Variants in JAZF1 observed in about 807,000 individuals in gnomAD.
The protein encoded by JAZF1 is juxtaposed with another zinc finger protein 1.
JAZF1 carries 8 observed loss-of-function variants against 26.4 expected under a neutral mutation model. The observed-to-expected ratio is 0.30, with a 90% CI of 0.18 to 0.55. The LOEUF (loss-of-function observed/expected upper bound fraction) is 0.55. JAZF1 is among the 20% of genes least tolerant of loss of function. The pLI is 0.94. For missense variants in JAZF1, 199 were observed against 322.0 expected (o/e 0.62, Z 2.92); for synonymous variants, 126 against 122.3 (o/e 1.03, Z -0.20).
intron 1 of JAZF1, among the ~76,000 whole-genome samples, chr7:28,170,365 G>A (rs199834399): frequency 4.1e-5 from 6 of 145,060 alleles, no homozygotes; most frequent in East Asian, 3.4e-4. Context: ...GTGTGTGTGT[G>A]TGTGTGTGTG....
intron 1 of JAZF1, among the ~76,000 whole-genome samples, chr7:28,032,957 C>T (rs978833281): frequency 7.9e-5 from 12 of 152,308 alleles, no homozygotes; most frequent in Middle Eastern, 3.4e-3. Flanking sequence ...GCGAAAGCAA[C>T]CCAACACAAA....
chr7:28,103,250 C>A (rs769481354), intron 1 of JAZF1, among the ~76,000 whole-genome samples: 1 of 152,110 alleles, frequency 6.6e-6, no homozygotes, highest in Non-Finnish European at 1.5e-5. Context: ...GTCCTGACCT[C>A]TCTCCTGAAC....
chr7:28,080,716 C>T (rs1784121928), intron 1 of JAZF1, among the ~76,000 whole-genome samples: 1 of 152,154 alleles, frequency 6.6e-6, no homozygotes, highest in South Asian at 2.1e-4. Context: ...GCAGTCAACA[C>T]ATAAAACATT....
chr7:27,992,005 T>A, intron 1 of JAZF1, 24 bp from the exon 2 acceptor site: 2 of 1,422,410 alleles, frequency 1.4e-6, no homozygotes, highest in Non-Finnish European at 2.0e-6. Context: ...ACAATTACGA[T>A]TTTTTTTAGA....
chr7:28,116,642 C>A (rs1746024390), intron 1 of JAZF1, among the ~76,000 whole-genome samples: 1 of 152,140 alleles, frequency 6.6e-6, no homozygotes, highest in East Asian at 1.9e-4. Flanking sequence ...CGGGGTTTCA[C>A]CATGTTGGCC....
intron 2 of JAZF1, among the ~76,000 whole-genome samples, chr7:27,977,277 C>T (rs970683393): frequency 6.6e-6 from 1 of 152,150 alleles, no homozygotes; most frequent in Admixed American, 6.5e-5. Context: ...TCATGTTGAA[C>T]TTGTATAGGT....
chr7:28,074,081 T>C (rs1784017433), intron 1 of JAZF1, among the ~76,000 whole-genome samples: 1 of 152,204 alleles, frequency 6.6e-6, no homozygotes. Flanking sequence ...ACAGGGTCAT[T>C]GCAACATTTT....
At chr7:27,923,006 G>A (rs545967257) in intron 2 of JAZF1, among the ~76,000 whole-genome samples, 1 of 152,328 alleles carries the variant, frequency 6.6e-6, no homozygotes, top group South Asian at 2.1e-4. Context: ...TCTCTTTAAG[G>A]ACCCGAAGGG....
intron 3 of JAZF1, among the ~76,000 whole-genome samples, chr7:27,880,453 T>C (rs1783749743): frequency 6.6e-6 from 1 of 152,030 alleles, no homozygotes; most frequent in Non-Finnish European, 1.5e-5. Context: ...GCCAACATGG[T>C]GAAACCGTGT....
chr7:27,967,946 C>T (rs1331127694), intron 2 of JAZF1, among the ~76,000 whole-genome samples: 2 of 152,204 alleles, frequency 1.3e-5, no homozygotes, highest in African/African-American at 4.8e-5. Context: ...CACATCTATA[C>T]CACAAGCCAG....
chr7:28,000,023 G>A (rs1347506072), intron 1 of JAZF1, among the ~76,000 whole-genome samples: 1 of 152,204 alleles, frequency 6.6e-6, no homozygotes, highest in Non-Finnish European at 1.5e-5. Context: ...GCCAGGTTTT[G>A]AAGGGAGTGA....
At chr7:28,005,304 C>G (rs1782678987) in intron 1 of JAZF1, among the ~76,000 whole-genome samples, 1 of 151,936 alleles carries the variant, frequency 6.6e-6, no homozygotes, top group South Asian at 2.1e-4. Flanking sequence ...ACAAATCAGG[C>G]TGTATCCAAG....
In JAZF1 at chr7:28,110,536, GGAAAA is replaced by G. The variant is rs1428776551; in HGVS notation, c.115+69922_115+69926del. 3.1e-3 allele frequency among the ~76,000 whole-genome samples: 269 copies of G among 87,486 alleles called. 2 individuals are homozygous for G. The highest frequency in any genetic ancestry group is 4.7e-3 in the Non-Finnish European group (204 of 43,368). 57.4% of individuals were successfully genotyped at this position (87,486 alleles called of 152,430 possible). ...AAGGAAAAGGAAAAGGAAAAGGAAA[GGAAAA>G]GGAAAAGGAAAAGGAAAGGGAAAGG... On this transcript the variant is annotated intron_variant, in intron 1 of 4. Coordinates refer to ENST00000283928, the MANE Select transcript of JAZF1 (RefSeq NM_175061.4).
chr7:28,175,374 C>T (rs1160206280), intron 1 of JAZF1, among the ~76,000 whole-genome samples: 2 of 152,202 alleles, frequency 1.3e-5, no homozygotes. Flanking sequence ...CGAAGGTAGA[C>T]TCTGACAGTA....
intron 2 of JAZF1, among the ~76,000 whole-genome samples, chr7:27,913,996 T>C (rs1027497396): frequency 6.6e-6 from 1 of 152,184 alleles, no homozygotes; most frequent in Non-Finnish European, 1.5e-5. Context: ...GTAAGGTGGC[T>C]CTTCAGGATA....
At chr7:27,846,251 G>C (rs146288903) in intron 3 of JAZF1, among the ~76,000 whole-genome samples, 4 of 151,888 alleles carry the variant, frequency 2.6e-5, no homozygotes, top group East Asian at 3.9e-4. Context: ...TGTCCTTCAG[G>C]CTCATCCATG....
chr7:27,840,546 AC>A lies in JAZF1; in HGVS notation c.555+151del. The A allele has an allele frequency of 1.3e-6, 1 of 796,232 alleles. No individual in the cohort carries two copies. Among genetic ancestry groups the A allele is most frequent in the East Asian group, 2.5e-5 (1 of 40,046 alleles). The allele number at this position is 796,232 out of a possible 1,614,324, so 49.3% of individuals were successfully genotyped here. On this transcript the variant is annotated intron_variant, in intron 4 of 4. Transcript: ENST00000283928. This position sits in a 1 kb window ranked among gnomAD's most constrained non-coding sequence, Gnocchi z 5.1. ...CTTCCTTGAGGGCACCTGTGTGCAC[AC>A]AGGGGTGAGGCCCACGCACTCTAAT... is the stretch of plus-strand genomic sequence containing the variant.
rs1783524345 is a variant in JAZF1 at position 28,174,821 on chromosome 7, G to GTGTGTGTGTGTGTGTGT, written c.115+5641_115+5642insACACACACACACACACA. 4.6e-5 allele frequency among the ~76,000 whole-genome samples: 5 copies of GTGTGTGTGTGTGTGTGT among 107,690 alleles called. 2 individuals carry two copies. The highest frequency in any genetic ancestry group is 1.4e-4 in the African/African-American group (5 of 35,750). The allele number at this position is 107,690 out of a possible 152,430, so 70.6% of individuals were successfully genotyped here. On this transcript the variant is annotated intron_variant, in intron 1 of 4. Transcript: ENST00000283928. ...CCTGATCCTGCCTATGGGGTGTGTG[G>GTGTGTGTGTGTGTGTGT]GTGTGTGTGTGTGTGTGTGTGTGTG...
intron 4 of JAZF1, 60 bp from the exon 5 acceptor site, chr7:27,833,036 A>G (rs1453495988): frequency 7.2e-7 from 1 of 1,395,498 alleles, no homozygotes; most frequent in African/African-American, 1.4e-5. Flanking sequence ...CAAACTTCGG[A>G]AACCTCAATT....
Sources: allele counts gnomAD v4.1 joint callset (sites outside exome capture counted in the v4.1 genomes callset), GRCh38; gene constraint gnomAD v4.1.1; non-coding constraint Gnocchi (gnomAD v3.1); transcripts MANE v1.5; gene names NCBI Gene and HGNC (gene_info 2026-07-23, HGNC 2026-07-21).